Variants in USP9X observed in about 807,000 individuals in gnomAD.
USP9X encodes ubiquitin specific peptidase 9 X-linked.
USP9X carries 7 observed loss-of-function variants against 190.3 expected under a neutral mutation model. That is an observed-to-expected ratio of 0.04 (90% CI 0.02 to 0.07). The LOEUF (loss-of-function observed/expected upper bound fraction) is 0.07, where lower values mean the gene tolerates loss of function less well. Ranked by LOEUF, USP9X falls within the 10% of genes least tolerant of loss-of-function variation. The pLI is 1.00. For missense variants in USP9X, 1,010 were observed against 1,916.9 expected, an observed-to-expected ratio of 0.53 and a Z score of 8.83; for synonymous variants, 645 against 659.5, an observed-to-expected ratio of 0.98 and a Z score of 0.34.
intron 6 of USP9X, among the ~76,000 whole-genome samples, chrX:41,137,714 TATC>T (rs1251421064): frequency 9.0e-6 from 1 of 111,240 alleles, no homozygotes; most frequent in Non-Finnish European, 1.9e-5. Flanking sequence ...AAGCTGAAGT[TATC>T]AAAAAAAGGT....
At chrX:41,171,511 C>G (rs1449044061) in intron 20 of USP9X, 1 of 236,836 alleles carries the variant, frequency 4.2e-6, no homozygotes, top group Non-Finnish European at 7.8e-6. Context: ...GGATTTGGCT[C>G]TCTATAACAA....
intron 2 of USP9X, among the ~76,000 whole-genome samples, chrX:41,128,288 G>A (rs761582961): frequency 8.9e-6 from 1 of 111,962 alleles, no homozygotes; most frequent in Admixed American, 9.5e-5. Context: ...CTTATATAAT[G>A]GGAAATGTAA....
In USP9X at chrX:41,235,285, T is replaced by G. The variant is rs2063391994; in HGVS notation, c.*2761T>G. The G allele has an allele frequency of 8.9e-6, 1 of 112,928 alleles. No homozygotes were observed. The highest frequency in any genetic ancestry group is 3.2e-5 in the African/African-American group (1 of 31,027). The allele number at this position is 112,928 out of a possible 1,213,427, so 9.3% of individuals were successfully genotyped here. ...AAGCATTAATGTATAACCAGAAATTTAAAGATGCATGTTGTTGCAAGAGCA... is the reference window on the plus strand; with the variant it reads ...AAGCATTAATGTATAACCAGAAATTGAAAGATGCATGTTGTTGCAAGAGCA... On this transcript the variant is annotated 3_prime_UTR_variant, in exon 45 of 45. Coordinates refer to ENST00000378308, the MANE Select transcript of USP9X (RefSeq NM_001039591.3).
intron 21 of USP9X, among the ~76,000 whole-genome samples, 180 bp from the exon 22 acceptor site, chrX:41,183,818 T>A (rs1184900343): frequency 9.5e-6 from 1 of 105,246 alleles, no homozygotes; most frequent in Non-Finnish European, 1.9e-5. Flanking sequence ...GTTTTTGTTT[T>A]TGTTTATTTT....
At position 41,232,588 on chromosome X, in the gene USP9X, C is replaced by T; in HGVS notation, c.*64C>T. ...CCAGGCCTTACAGTCCAACCTTTTT[C>T]TGTGTCTGGCTAATATTTAAAACTA... On this transcript the variant is annotated 3_prime_UTR_variant, in exon 45 of 45. Coordinates refer to ENST00000378308, the MANE Select transcript of USP9X (RefSeq NM_001039591.3). 8 of 1,116,395 alleles carry T rather than the reference C, an allele frequency of 7.2e-6. No homozygotes were observed. The highest frequency in any genetic ancestry group is 9.6e-6 in the Non-Finnish European group (8 of 835,774). 92.0% of individuals were successfully genotyped at this position (1,116,395 alleles called of 1,213,427 possible).
chrX:41,182,434 T>C (rs1251580358), intron 21 of USP9X, among the ~76,000 whole-genome samples: 2 of 109,261 alleles, frequency 1.8e-5, no homozygotes, highest in Non-Finnish European at 3.8e-5. Context: ...TTTTTCCTCC[T>C]ACTCCCCTTT....
At chrX:41,167,601 C>T in intron 17 of USP9X, 24 bp downstream of exon 17, 2 of 1,079,526 alleles carry the variant, frequency 1.9e-6, no homozygotes, top group Non-Finnish European at 2.5e-6. Flanking sequence ...TGCATTAAAA[C>T]TTCCATATAT....
rs758265521 is a variant in USP9X, at chrX:41,184,525, A to G, written c.3408A>G (p.Leu1136=). 22 of 1,208,783 alleles carry G rather than the reference A, an allele frequency of 1.8e-5. No individual in the cohort carries two copies. The highest frequency in any genetic ancestry group is 3.0e-5 in the East Asian group (1 of 33,739). ...VLSMLTRNNF[L]PNADMETRRG... ...GTATGCTAACCAGAAATAACTTCCT[A>G]CCGAATGCAGATATGGAAACTCGAA... The change falls in exon 23 of 45, where the codon CTA becomes CTG. Residue 1136 remains leucine, a synonymous_variant. Coordinates refer to ENST00000378308, the MANE Select transcript of USP9X (RefSeq NM_001039591.3).
At position 41,232,705 on chromosome X, in the gene USP9X, G is replaced by A; in HGVS notation, c.*181G>A. ...GTCAATATATAACCCGCCTGCAGTG[G>A]AAAGTGTATAGTGTTTTGTAATAAA... On this transcript the variant is annotated 3_prime_UTR_variant, in exon 45 of 45. Coordinates refer to ENST00000378308, the MANE Select transcript of USP9X (RefSeq NM_001039591.3). 1 of 519,072 alleles carries A rather than the reference G, an allele frequency of 1.9e-6. No homozygotes were observed. The highest frequency in any genetic ancestry group is 3.0e-6 in the Non-Finnish European group (1 of 330,952). 42.8% of individuals were successfully genotyped at this position (519,072 alleles called of 1,213,427 possible).
At chrX:41,095,872 C>G (rs2061987058) in intron 1 of USP9X, among the ~76,000 whole-genome samples, 1 of 111,374 alleles carries the variant, frequency 9.0e-6, no homozygotes, top group African/African-American at 3.3e-5. Context: ...TTTAACCGTT[C>G]TTCTGAAAGA....
At chrX:41,152,885 A>C in intron 13 of USP9X, 63 bp from the exon 14 acceptor site, 1 of 1,115,140 alleles carries the variant, frequency 9.0e-7, no homozygotes, top group East Asian at 3.2e-5. Flanking sequence ...AGATAGTACG[A>C]ACTCTTCTGG....
rs548070228 is a variant in USP9X, at chrX:41,191,872, T to C, written c.3977+2397T>C. 2.1e-4 allele frequency among the ~76,000 whole-genome samples: 24 copies of C among 111,865 alleles called. 1 individual carries two copies. The South Asian group carries it at 7.1e-3, about 33-fold the overall frequency. On this transcript the variant is annotated intron_variant, in intron 26 of 44. Transcript: ENST00000378308. Reference sequence around the variant, plus strand: ...GTGCAGGATGTAGCATGTGAGCTCATGTTTGGGCAGGATTTATATGTGCAT... The same window carrying C: ...GTGCAGGATGTAGCATGTGAGCTCACGTTTGGGCAGGATTTATATGTGCAT...
At chrX:41,196,799 T>A (rs2062987956) in intron 28 of USP9X, 61 bp downstream of exon 28, 5 of 950,027 alleles carry the variant, frequency 5.3e-6, no homozygotes, top group Non-Finnish European at 7.0e-6. Flanking sequence ...GTTTTATTGA[T>A]GATTTATATT....
chrX:41,093,567 TC>T (rs1159895360), intron 1 of USP9X, among the ~76,000 whole-genome samples: 2 of 111,243 alleles, frequency 1.8e-5, no homozygotes, highest in African/African-American at 6.5e-5. Context: ...TGTCTTGAAC[TC>T]CCGACCTCAG....
chrX:41,186,780 C>A, intron 24 of USP9X, 138 bp downstream of exon 24: 1 of 709,669 alleles, frequency 1.4e-6, no homozygotes, highest in Non-Finnish European at 2.1e-6. Context: ...TGTTTTTAAT[C>A]AACTTTATGT....
chrX:41,139,575 C>G (rs921985379), intron 6 of USP9X, among the ~76,000 whole-genome samples: 2 of 111,919 alleles, frequency 1.8e-5, no homozygotes, highest in Non-Finnish European at 3.8e-5. Context: ...GCAGGAGAAT[C>G]CTGCTTGAAC....
At chrX:41,117,430 G>T (rs747860979) in intron 1 of USP9X, among the ~76,000 whole-genome samples, 1 of 111,351 alleles carries the variant, frequency 9.0e-6, no homozygotes, top group South Asian at 3.8e-4. Context: ...AAAAATATGA[G>T]AATATAATTT....
intron 1 of USP9X, among the ~76,000 whole-genome samples, chrX:41,118,209 T>G (rs1292457336): frequency 9.0e-6 from 1 of 111,382 alleles, no homozygotes; most frequent in African/African-American, 3.3e-5. Context: ...ACATTCACAT[T>G]GTGGGATGCT....
intron 2 of USP9X, among the ~76,000 whole-genome samples, chrX:41,125,682 ACACTCTCT>A (rs1340845119): frequency 3.1e-4 from 7 of 22,844 alleles, no homozygotes; most frequent in South Asian, 2.1e-3. Context: ...ACACACACAC[ACACTCTCT>A]CTCTCTCTCT....
Sources: gnomAD v4.1 joint callset for allele counts (sites outside exome capture counted in the v4.1 genomes callset) on GRCh38, gnomAD v4.1.1 for gene constraint, MANE v1.5 for transcripts, NCBI Gene and HGNC (gene_info 2026-07-23, HGNC 2026-07-21) for gene names.